Variants in CCDC85C observed in about 807,000 individuals in gnomAD.
CCDC85C encodes coiled-coil domain containing 85C.
A neutral mutation model predicts 38.3 loss-of-function variants in CCDC85C; 18 were observed. That is an observed-to-expected ratio of 0.47 (90% CI 0.33 to 0.70). CCDC85C has a LOEUF of 0.70. CCDC85C is among the 30% of genes least tolerant of loss of function. The pLI, the probability that CCDC85C is intolerant of heterozygous loss-of-function variation, is 0.03. For missense variants in CCDC85C, 566 were observed against 621.2 expected, an observed-to-expected ratio of 0.91 and a Z score of 0.94; for synonymous variants, 264 against 293.8, an observed-to-expected ratio of 0.90 and a Z score of 1.04.
chr14:99,592,870 G>A (rs2055101961), intron 1 of CCDC85C, among the ~76,000 whole-genome samples: 1 of 152,240 alleles, frequency 6.6e-6, no homozygotes, highest in African/African-American at 2.4e-5. Context: ...CCCCAGGAGG[G>A]GCTGGGCAAA....
rs1595334877 is a variant in CCDC85C, at chr14:99,515,053, G to A, written c.*193C>T. 1 of 537,378 alleles carries A rather than the reference G, an allele frequency of 1.9e-6. No individual in the cohort carries two copies. Among genetic ancestry groups the A allele is most frequent in the East Asian group, 3.1e-5 (1 of 32,358 alleles). The allele number at this position is 537,378 out of a possible 1,614,324, so 33.3% of individuals were successfully genotyped here. A position where few individuals can be genotyped will look rare whatever the true frequency, so the allele number is the denominator to read the frequency against. Reference sequence around the variant, plus strand: ...TCGTCTTCCCAGGTTGCTGGTGTATGAGGCGGGAGATGGCGGCTTGGGCCA... The same window carrying A: ...TCGTCTTCCCAGGTTGCTGGTGTATAAGGCGGGAGATGGCGGCTTGGGCCA... On this transcript the variant is annotated 3_prime_UTR_variant, in exon 6 of 6. Transcript: ENST00000380243.
At chr14:99,582,345 G>A (rs1566782014) in intron 1 of CCDC85C, among the ~76,000 whole-genome samples, 1 of 152,214 alleles carries the variant, frequency 6.6e-6, no homozygotes, top group African/African-American at 2.4e-5. Context: ...AGTCAGTGAT[G>A]TGACAAGGTA....
rs947037184 is a variant in CCDC85C at position 99,548,557 on chromosome 14, C to T, written c.794-12469G>A. ...ACAGGCACAAGACCGTGTCTGCCAACACCAGCTGTACTAGTGAAAACTGTA... is the reference window on the plus strand; with the variant it reads ...ACAGGCACAAGACCGTGTCTGCCAATACCAGCTGTACTAGTGAAAACTGTA... On this transcript the variant is annotated intron_variant, in intron 1 of 5. Coordinates refer to ENST00000380243, the MANE Select transcript of CCDC85C (RefSeq NM_001144995.2). This position sits in a 1 kb window ranked among gnomAD's most constrained non-coding sequence, Gnocchi z 4.9. 6.6e-6 allele frequency among the ~76,000 whole-genome samples: 1 copy of T among 151,418 alleles called. No individual in the cohort carries two copies. Among genetic ancestry groups the T allele is most frequent in the African/African-American group, 2.4e-5 (1 of 41,146 alleles).
rs770013937 is a variant in CCDC85C at position 99,532,764 on chromosome 14, G to GTTC, written c.867+3248_867+3250dup. On this transcript the variant is annotated intron_variant, in intron 2 of 5. Transcript: ENST00000380243. ...CCCACCCATGATCCCAGCTCCTCTG[G>GTTC]TTCTTCTTCTTCTTCTTCTTTTTTT... Among the ~76,000 whole-genome samples, 184 of 146,308 alleles carry GTTC rather than the reference G, an allele frequency of 1.3e-3. 1 individual carries two copies. The highest frequency in any genetic ancestry group is 4.2e-3 in the African/African-American group (162 of 38,832).
chr14:99,508,286 C>T lies in CCDC85C; in HGVS notation c.*6960G>A, dbSNP rs1427750813. 1 of 152,254 alleles carries T rather than the reference C, an allele frequency of 6.6e-6. No individual in the cohort carries two copies. Among genetic ancestry groups the T allele is most frequent in the East Asian group, 1.9e-4 (1 of 5,208 alleles). The allele number at this position is 152,254 out of a possible 1,614,324, so 9.4% of individuals were successfully genotyped here. A position where few individuals can be genotyped will look rare whatever the true frequency, so the allele number is the denominator to read the frequency against. The stretch of plus-strand genomic sequence containing the variant: ...TTGCTCATGAAGCATTTATGGAGCA[C>T]CTCCTCGCCAAGTGCAGTTCCCCTG... On this transcript the variant is annotated 3_prime_UTR_variant, in exon 6 of 6. Transcript: ENST00000380243.
At position 99,522,228 on chromosome 14, in the gene CCDC85C, C is replaced by T. The variant is rs1343951578; in HGVS notation, c.880G>A (p.Gly294Arg). The change falls in exon 3 of 6, where the codon GGA (glycine) becomes AGA (arginine). Residue 294 changes from glycine to arginine, a missense_variant. This residue lies in a region of CCDC85C where 286 missense variants were observed against 276.4 expected (regional missense o/e 1.03). Coordinates refer to ENST00000380243, the MANE Select transcript of CCDC85C (RefSeq NM_001144995.2). ...CCTTTCCGCAGCGTGCGGAACTCTC[C>T]GGAGCCTGCCTGCTGCAGGGGAGAG... ...DKLLAQQAGS[G>R]EFRTLRKGFS... 12 of 1,548,648 alleles carry T rather than the reference C, an allele frequency of 7.7e-6. No individual in the cohort carries two copies. Among genetic ancestry groups the T allele is most frequent in the African/African-American group, 5.5e-5 (4 of 73,042 alleles).
intron 1 of CCDC85C, among the ~76,000 whole-genome samples, chr14:99,550,975 C>T (rs764199062): frequency 6.6e-6 from 1 of 152,226 alleles, no homozygotes; most frequent in Non-Finnish European, 1.5e-5. Flanking sequence ...CACATCACTG[C>T]CAACATTACC....
At position 99,577,864 on chromosome 14, in the gene CCDC85C, TGTGTGC is replaced by T. The variant is rs1233858195; in HGVS notation, c.793+25297_793+25302del. ...CCTGTATCCCCCATCAGTGTGTGTGTGTGTGCGTGTGCACATCTCCACACCCATACA... is the reference window on the plus strand; with the variant it reads ...CCTGTATCCCCCATCAGTGTGTGTGTGTGTGCACATCTCCACACCCATACA... On this transcript the variant is annotated intron_variant, in intron 1 of 5. Coordinates refer to ENST00000380243, the MANE Select transcript of CCDC85C (RefSeq NM_001144995.2). 1.5e-3 allele frequency among the ~76,000 whole-genome samples: 217 copies of T among 146,574 alleles called. 3 individuals are homozygous for T. The highest frequency in any genetic ancestry group is 5.4e-3 in the African/African-American group (211 of 38,818).
intron 1 of CCDC85C, among the ~76,000 whole-genome samples, chr14:99,541,599 G>C (rs1298239918): frequency 6.6e-6 from 1 of 152,186 alleles, no homozygotes; most frequent in Non-Finnish European, 1.5e-5. Flanking sequence ...GTGAGCTCTA[G>C]GGCTCGGAGT....
In CCDC85C at chr14:99,502,948, G is replaced by A. The variant is rs1195017228; in HGVS notation, c.*12298C>T. ...CCCAACAGCCCAAGAAACCCTCTCC[G>A]CAGCCCAGTTCTCCCCGACAGGTTA... On this transcript the variant is annotated 3_prime_UTR_variant, in exon 6 of 6. Transcript: ENST00000380243. The A allele has an allele frequency of 6.2e-6, 10 of 1,613,750 alleles. No individual in the cohort carries two copies. Among genetic ancestry groups the A allele is most frequent in the South Asian group, 5.5e-5 (5 of 91,074 alleles).
chr14:99,517,082 C>T lies in CCDC85C; in HGVS notation c.1071+6G>A. On this transcript the variant is annotated splice_donor_region_variant and intron_variant, in intron 4 of 5. Coordinates refer to ENST00000380243, the MANE Select transcript of CCDC85C (RefSeq NM_001144995.2). ...GACTTCTGAGGGAGCGGGTAGTGGCCCTCACCTTCATGGCATGCACGACAG... is the reference window on the plus strand; with the variant it reads ...GACTTCTGAGGGAGCGGGTAGTGGCTCTCACCTTCATGGCATGCACGACAG... The T allele has an allele frequency of 6.5e-7, 1 of 1,550,348 alleles. No individual in the cohort carries two copies. Among genetic ancestry groups the T allele is most frequent in the Non-Finnish European group, 8.7e-7 (1 of 1,146,780 alleles).
rs1490883078 is a variant in CCDC85C, at chr14:99,507,593, G to A, written c.*7653C>T. On this transcript the variant is annotated 3_prime_UTR_variant, in exon 6 of 6. Transcript: ENST00000380243. ...TTCTGATTTTGACCAGGTATTTTGA[G>A]AATGTTGTAAATTGTTAAGTATATC... 6.1e-6 allele frequency: 1 copy of A among 164,106 alleles called. No individual in the cohort carries two copies. Among genetic ancestry groups the A allele is most frequent in the African/African-American group, 2.4e-5 (1 of 41,716 alleles). 10.2% of individuals were successfully genotyped at this position (164,106 alleles called of 1,614,324 possible).
Position 99,509,738 on chromosome 14 carries a change from T to G in CCDC85C, c.*5508A>C. 1 of 208,712 alleles carries G rather than the reference T, an allele frequency of 4.8e-6. No individual in the cohort carries two copies. Among genetic ancestry groups the G allele is most frequent in the Non-Finnish European group, 9.6e-6 (1 of 104,218 alleles). 12.9% of individuals were successfully genotyped at this position (208,712 alleles called of 1,614,324 possible). A position where few individuals can be genotyped will look rare whatever the true frequency, so the allele number is the denominator to read the frequency against. On this transcript the variant is annotated 3_prime_UTR_variant, in exon 6 of 6. Transcript: ENST00000380243. ...CACATTCATTTGACTAACTCTGAGG[T>G]TTTCTGCAAAATGCCACTGCTGCAG...
chr14:99,578,055 G>GTGTGTT (rs1422351888), intron 1 of CCDC85C, among the ~76,000 whole-genome samples: 64 of 143,970 alleles, frequency 4.4e-4, no homozygotes, highest in South Asian at 9.1e-4. Context: ...ATCAGAGTGT[G>GTGTGTT]TGTGTGTGTA....
At chr14:99,536,697 G>A (rs747135666) in intron 1 of CCDC85C, among the ~76,000 whole-genome samples, 9 of 152,162 alleles carry the variant, frequency 5.9e-5, no homozygotes, top group East Asian at 1.9e-4. Flanking sequence ...TATGACAGTC[G>A]GGAACCCCGT....
Position 99,545,248 on chromosome 14 carries a change from G to A in CCDC85C, c.794-9160C>T, listed in dbSNP as rs1897784848. On this transcript the variant is annotated intron_variant, in intron 1 of 5. Coordinates refer to ENST00000380243, the MANE Select transcript of CCDC85C (RefSeq NM_001144995.2). This position sits in a 1 kb window ranked among gnomAD's most constrained non-coding sequence, Gnocchi z 4.7. Reference sequence around the variant, plus strand: ...GCTGCCTGCCTCTCCCCAGCTTCAGGGGCCACTGGGCACCCAGCATTTAAT... The same window carrying A: ...GCTGCCTGCCTCTCCCCAGCTTCAGAGGCCACTGGGCACCCAGCATTTAAT... Among the ~76,000 whole-genome samples the A allele has an allele frequency of 6.6e-6, 1 of 152,122 alleles. No individual in the cohort carries two copies.
intron 1 of CCDC85C, among the ~76,000 whole-genome samples, chr14:99,574,568 C>T (rs1017768765): frequency 2.6e-5 from 4 of 152,124 alleles, no homozygotes; most frequent in African/African-American, 4.8e-5. Flanking sequence ...GGGGAACTCC[C>T]GGCCTGTGAG....
intron 2 of CCDC85C, among the ~76,000 whole-genome samples, chr14:99,525,335 G>T (rs2139904306): frequency 6.6e-6 from 1 of 152,282 alleles, no homozygotes; most frequent in South Asian, 2.1e-4. Flanking sequence ...GGGCCTATGT[G>T]GGGCCACCCT....
At chr14:99,560,217 C>T (rs1898090957) in intron 1 of CCDC85C, among the ~76,000 whole-genome samples, 1 of 152,174 alleles carries the variant, frequency 6.6e-6, no homozygotes, top group South Asian at 2.1e-4. Context: ...TGCCCACCCA[C>T]ACACGCAGCC....
Sources: allele counts gnomAD v4.1 joint callset (sites outside exome capture counted in the v4.1 genomes callset), GRCh38; gene constraint gnomAD v4.1.1; regional missense constraint gnomAD v4.1.1; non-coding constraint Gnocchi (gnomAD v3.1); transcripts MANE v1.5; gene names NCBI Gene and HGNC (gene_info 2026-07-23, HGNC 2026-07-21).